The following NFIB variants were observed in gnomAD, a reference collection of about 807,000 sequenced individuals.
The protein encoded by NFIB is nuclear factor I B, also known as nuclear factor 1 B-type.
NFIB carries 11 observed loss-of-function variants against 61.5 expected under a neutral mutation model. The observed-to-expected ratio is 0.18, with a 90% CI of 0.11 to 0.30. The LOEUF (loss-of-function observed/expected upper bound fraction) is 0.30, where lower values mean the gene tolerates loss of function less well. Ranked by LOEUF, NFIB falls within the 10% of genes least tolerant of loss-of-function variation. The pLI is 1.00. For synonymous variants in NFIB, 260 were observed against 216.5 expected, an observed-to-expected ratio of 1.20 and a Z score of -1.76; for missense variants, 471 against 608.9, an observed-to-expected ratio of 0.77 and a Z score of 2.38.
At chr9:14,256,407 T>C (rs543644224) in intron 2 of NFIB, among the ~76,000 whole-genome samples, 2 of 152,242 alleles carry the variant, frequency 1.3e-5, no homozygotes, top group South Asian at 4.1e-4. Context: ...GAACCCCTCC[T>C]TACAAACAGA....
intron 3 of NFIB, among the ~76,000 whole-genome samples, chr9:14,160,815 T>C (rs1427310512): frequency 7.0e-6 from 1 of 142,494 alleles, no homozygotes; most frequent in East Asian, 2.0e-4. Flanking sequence ...AAATTCTTGC[T>C]TTGTGAAGGA....
intron 1 of NFIB, among the ~76,000 whole-genome samples, chr9:14,345,933 C>T (rs1160106384): frequency 6.6e-6 from 1 of 152,208 alleles, no homozygotes; most frequent in Non-Finnish European, 1.5e-5. Flanking sequence ...CTAGAAACTT[C>T]CTGCCTTTCT....
chr9:14,420,284 T>A, the NFIB span, among the ~76,000 whole-genome samples: 2 of 151,422 alleles, frequency 1.3e-5, no homozygotes, highest in African/African-American at 2.4e-5. Flanking sequence ...TCATCTCTAC[T>A]AAAAATACAA....
At chr9:14,204,103 G>C (rs2049357145) in intron 2 of NFIB, 1 of 384,922 alleles carries the variant, frequency 2.6e-6, no homozygotes, top group Non-Finnish European at 4.6e-6. Flanking sequence ...AAATTAATTT[G>C]TTTTCTTCTC....
At chr9:14,167,406 G>A (rs905797499) in intron 3 of NFIB, among the ~76,000 whole-genome samples, 25 of 152,104 alleles carry the variant, frequency 1.6e-4, no homozygotes, top group South Asian at 6.2e-4. Flanking sequence ...GGTGGTACGC[G>A]CCTCTAGTGC....
intron 10 of NFIB, chr9:14,093,383 A>C (rs2034263569): frequency 6.6e-6 from 1 of 152,128 alleles, no homozygotes; most frequent in Non-Finnish European, 1.5e-5. Flanking sequence ...TACTTAAAAG[A>C]TAGTAAATAC....
chr9:14,237,623 G>GC (rs991699825), intron 2 of NFIB, among the ~76,000 whole-genome samples: 68 of 152,166 alleles, frequency 4.5e-4, no homozygotes, highest in African/African-American at 1.6e-3. Context: ...AGATGGGAAA[G>GC]CTGAGGCATC....
At chr9:14,359,655 C>G (rs905611134) in intron 1 of NFIB, among the ~76,000 whole-genome samples, 1 of 152,116 alleles carries the variant, frequency 6.6e-6, no homozygotes, top group Non-Finnish European at 1.5e-5. Flanking sequence ...TAATAATACA[C>G]CAGCTCACCA....
chr9:14,205,220 G>GA (rs1211967999), intron 2 of NFIB, among the ~76,000 whole-genome samples: 34 of 21,378 alleles, frequency 1.6e-3, no homozygotes, highest in South Asian at 2.2e-3. Context: ...AGGAAGGGAG[G>GA]GGAGGGGAGG....
At chr9:14,406,925 A>C in the NFIB span, among the ~76,000 whole-genome samples, 1 of 152,180 alleles carries the variant, frequency 6.6e-6, no homozygotes, top group Non-Finnish European at 1.5e-5. Flanking sequence ...GTGAGTGAGA[A>C]ATACATATTG....
At chr9:14,158,218 A>G (rs1009763125) in intron 3 of NFIB, among the ~76,000 whole-genome samples, 13 of 152,032 alleles carry the variant, frequency 8.6e-5, no homozygotes, top group South Asian at 6.2e-4. Context: ...TCATCACCCA[A>G]TTGTACTTTG....
intron 2 of NFIB, among the ~76,000 whole-genome samples, chr9:14,264,385 G>C (rs1237990695): frequency 2.0e-5 from 3 of 152,062 alleles, no homozygotes; most frequent in Non-Finnish European, 4.4e-5. Flanking sequence ...TAATTCAAAA[G>C]TACGTGCCCA....
intron 7 of NFIB, among the ~76,000 whole-genome samples, chr9:14,123,022 G>C (rs986129156): frequency 6.6e-6 from 1 of 152,106 alleles, no homozygotes; most frequent in African/African-American, 2.4e-5. Context: ...GTCAGGGTGG[G>C]TGGAGTGGAT....
intron 1 of NFIB, among the ~76,000 whole-genome samples, chr9:14,384,107 A>T (rs1408394189): frequency 6.6e-6 from 1 of 152,128 alleles, no homozygotes; most frequent in African/African-American, 2.4e-5. Flanking sequence ...CCTTCTTTTA[A>T]ATCCTTGTGT....
At chr9:14,326,298 C>T (rs116958406) in intron 1 of NFIB, among the ~76,000 whole-genome samples, 1,975 of 152,260 alleles carry the variant, frequency 0.013, 28 homozygotes, top group Non-Finnish European at 0.019. Context: ...AAGACATAGT[C>T]GCCCATCATA....
chr9:14,444,823 T>C, the NFIB span, among the ~76,000 whole-genome samples: 1 of 152,212 alleles, frequency 6.6e-6, no homozygotes, highest in Non-Finnish European at 1.5e-5. Context: ...TTACAAGGAC[T>C]GTAGAGACCC....
intron 3 of NFIB, among the ~76,000 whole-genome samples, chr9:14,157,293 G>T (rs1233580001): frequency 6.6e-6 from 1 of 151,974 alleles, no homozygotes; most frequent in African/African-American, 2.4e-5. Context: ...AGAACAAAAG[G>T]CACCACACTG....
chr9:14,250,948 G>A (rs1272213805), intron 2 of NFIB, among the ~76,000 whole-genome samples: 1 of 152,020 alleles, frequency 6.6e-6, no homozygotes, highest in African/African-American at 2.4e-5. Context: ...GAAATCCATG[G>A]GTATGTGTCA....
chr9:14,530,450 A>G, the NFIB span, among the ~76,000 whole-genome samples: 2 of 151,790 alleles, frequency 1.3e-5, no homozygotes, highest in African/African-American at 4.8e-5. Context: ...TCTCTCCTTG[A>G]GGAACTGGCC....
Sources: allele counts gnomAD v4.1 joint callset (sites outside exome capture counted in the v4.1 genomes callset), GRCh38; gene constraint gnomAD v4.1.1; transcripts MANE v1.5; gene names NCBI Gene and HGNC (gene_info 2026-07-23, HGNC 2026-07-21).